The following ZFAND3 variants were observed in gnomAD, a reference collection of about 807,000 sequenced individuals.
ZFAND3 encodes AN1-type zinc finger protein 3.
Under a neutral mutation model 29.6 loss-of-function variants are expected in ZFAND3, and 10 were observed. The ratio of observed to expected loss-of-function variants is 0.34; its 90% CI spans 0.21 to 0.57. The LOEUF (loss-of-function observed/expected upper bound fraction) is 0.57. Ranked by LOEUF, ZFAND3 falls within the 20% of genes least tolerant of loss-of-function variation. The pLI is 0.86. For missense variants in ZFAND3, 230 were observed against 304.5 expected (o/e 0.76, Z 1.82); for synonymous variants, 128 against 112.6 (o/e 1.14, Z -0.87).
intron 2 of ZFAND3, among the ~76,000 whole-genome samples, chr6:37,970,187 T>G (rs1201072754): frequency 6.6e-6 from 1 of 151,912 alleles, no homozygotes; most frequent in Non-Finnish European, 1.5e-5. Flanking sequence ...ATCAGAGAAT[T>G]TAGAAGGCTT....
intron 1 of ZFAND3, among the ~76,000 whole-genome samples, chr6:37,885,995 T>C (rs1221751268): frequency 6.6e-6 from 1 of 151,836 alleles, no homozygotes; most frequent in Non-Finnish European, 1.5e-5. Context: ...CCCAGCACTT[T>C]GGGAAGCTGA....
At chr6:38,042,756 T>C (rs1763816634) in intron 2 of ZFAND3, among the ~76,000 whole-genome samples, 1 of 152,208 alleles carries the variant, frequency 6.6e-6, no homozygotes, top group African/African-American at 2.4e-5. Flanking sequence ...ACTATCTGAA[T>C]GGTTGAACTA....
At chr6:38,091,498 T>C (rs4714126) in intron 4 of ZFAND3, among the ~76,000 whole-genome samples, 29,237 of 116,688 alleles carry the variant, frequency 0.25, 2,750 homozygotes, top group East Asian at 0.53. Context: ...TTTTTTTTTT[T>C]TTGGTGGGGG....
chr6:37,935,219 A>C (rs139274105), intron 2 of ZFAND3, among the ~76,000 whole-genome samples: 1,560 of 152,326 alleles, frequency 0.01, 16 homozygotes, highest in Non-Finnish European at 0.015. Flanking sequence ...AAAGGATGGT[A>C]TGTAAGCACC....
intron 1 of ZFAND3, among the ~76,000 whole-genome samples, chr6:37,842,024 C>T (rs541073646): frequency 2.1e-4 from 32 of 152,172 alleles, no homozygotes; most frequent in Non-Finnish European, 3.5e-4. Flanking sequence ...CACCTTGTTG[C>T]TGTGTCCTTA....
intron 5 of ZFAND3, among the ~76,000 whole-genome samples, chr6:38,124,977 A>G (rs548672711): frequency 1.3e-5 from 2 of 152,328 alleles, no homozygotes; most frequent in South Asian, 4.1e-4. Context: ...CAGTACTCCT[A>G]AGACAGCAAC....
rs1191090273 is a variant in ZFAND3, at chr6:37,948,500, CACATTTGTTACATGGGT to C, written c.112+18503_112+18519del. On this transcript the variant is annotated intron_variant, in intron 2 of 5. Coordinates refer to ENST00000287218, the MANE Select transcript of ZFAND3 (RefSeq NM_021943.3). ...TTTTTAGACTTAGGGGGCACATGGG[CACATTTGTTACATGGGT>C]AAATTATGTGTCATGGGGGTTTGGC... Among the ~76,000 whole-genome samples the C allele has an allele frequency of 3.3e-5, 5 of 152,226 alleles. No individual in the cohort carries two copies. In the East Asian group the frequency reaches 5.8e-4, roughly 18 times the overall value.
chr6:37,901,178 A>T (rs573161150), intron 1 of ZFAND3, among the ~76,000 whole-genome samples: 1 of 152,276 alleles, frequency 6.6e-6, no homozygotes, highest in South Asian at 2.1e-4. Context: ...AGGCCTTCTT[A>T]CTCAGAAATG....
At chr6:38,119,658 CG>C (rs1765490073) in intron 5 of ZFAND3, among the ~76,000 whole-genome samples, 1 of 152,200 alleles carries the variant, frequency 6.6e-6, no homozygotes, top group Admixed American at 6.5e-5. Flanking sequence ...GCAGGGAAGA[CG>C]CTCCAAAGGG....
chr6:37,996,753 A>AT (rs1441503590), intron 2 of ZFAND3, among the ~76,000 whole-genome samples: 1 of 152,110 alleles, frequency 6.6e-6, no homozygotes, highest in Non-Finnish European at 1.5e-5. Context: ...ATATATGCAT[A>AT]TTTTTGCAGT....
intron 2 of ZFAND3, among the ~76,000 whole-genome samples, chr6:38,022,484 G>T (rs1686845681): frequency 6.6e-6 from 1 of 152,176 alleles, no homozygotes; most frequent in Non-Finnish European, 1.5e-5. Context: ...TCAGCTCTTT[G>T]CTGGTCTTTT....
chr6:38,023,228 CCT>C (rs1763383652), intron 2 of ZFAND3, among the ~76,000 whole-genome samples: 1 of 152,278 alleles, frequency 6.6e-6, no homozygotes, highest in South Asian at 2.1e-4. Flanking sequence ...ATTCACAAAA[CCT>C]CTCTAGAGAA....
intron 2 of ZFAND3, among the ~76,000 whole-genome samples, chr6:37,934,771 G>A (rs1423249237): frequency 6.7e-6 from 1 of 150,254 alleles, no homozygotes; most frequent in African/African-American, 2.5e-5. Flanking sequence ...CCCGGTGGGT[G>A]GAGGTTGCAG....
intron 2 of ZFAND3, among the ~76,000 whole-genome samples, chr6:37,988,048 A>G (rs958148452): frequency 6.6e-6 from 1 of 152,218 alleles, no homozygotes; most frequent in Non-Finnish European, 1.5e-5. Context: ...AAGTTATTGC[A>G]GTTAGAAGGA....
chr6:38,067,680 A>C (rs1049006025), intron 3 of ZFAND3, among the ~76,000 whole-genome samples: 3 of 152,226 alleles, frequency 2.0e-5, no homozygotes, highest in Admixed American at 1.3e-4. Flanking sequence ...ACTTTTGCAG[A>C]GAGAAAGGAT....
chr6:38,094,601 A>T (rs1332801516), intron 4 of ZFAND3, among the ~76,000 whole-genome samples: 1 of 152,198 alleles, frequency 6.6e-6, no homozygotes, highest in Non-Finnish European at 1.5e-5. Context: ...TGAAATAGGA[A>T]GATTTAGCTT....
intron 1 of ZFAND3, among the ~76,000 whole-genome samples, chr6:37,880,563 G>C (rs1199028889): frequency 6.6e-6 from 1 of 152,098 alleles, no homozygotes; most frequent in South Asian, 2.1e-4. Context: ...TTTTAAAAAG[G>C]AGTTAAAAAG....
At chr6:37,864,803 T>G (rs1764559724) in intron 1 of ZFAND3, among the ~76,000 whole-genome samples, 1 of 152,110 alleles carries the variant, frequency 6.6e-6, no homozygotes, top group Non-Finnish European at 1.5e-5. Flanking sequence ...TCACTCTATA[T>G]TTATTCTTTG....
intron 2 of ZFAND3, among the ~76,000 whole-genome samples, chr6:37,945,721 A>G (rs763888949): frequency 6.6e-5 from 10 of 152,188 alleles, no homozygotes; most frequent in Non-Finnish European, 1.3e-4. Context: ...TTTTGGACAC[A>G]CCATATGGTT....
Sources: gnomAD v4.1 joint callset for allele counts (sites outside exome capture counted in the v4.1 genomes callset) on GRCh38, gnomAD v4.1.1 for gene constraint, MANE v1.5 for transcripts, NCBI Gene and HGNC (gene_info 2026-07-23, HGNC 2026-07-21) for gene names.